The following ZNF385D variants were observed in gnomAD, a reference collection of about 807,000 sequenced individuals.
ZNF385D encodes zinc finger protein 385D.
Under a neutral mutation model 35.8 loss-of-function variants are expected in ZNF385D, and 15 were observed. The ratio of observed to expected loss-of-function variants is 0.42; its 90% CI spans 0.28 to 0.64. The LOEUF is 0.64. Ranked by LOEUF, ZNF385D falls within the 30% of genes least tolerant of loss-of-function variation. The pLI, the probability that ZNF385D is intolerant of heterozygous loss-of-function variation, is 0.23. For synonymous variants in ZNF385D, 212 were observed against 186.8 expected (o/e 1.13, Z -1.10); for missense variants, 474 against 494.6 (o/e 0.96, Z 0.39).
intron 3 of ZNF385D, among the ~76,000 whole-genome samples, chr3:21,873,593 C>T (rs1323600369): frequency 6.6e-6 from 1 of 152,168 alleles, no homozygotes; most frequent in Non-Finnish European, 1.5e-5. Flanking sequence ...CTTTTGCATC[C>T]TGTGTGACTG....
At chr3:21,801,987 T>C (rs1318527656) in intron 3 of ZNF385D, among the ~76,000 whole-genome samples, 1 of 152,150 alleles carries the variant, frequency 6.6e-6, no homozygotes, top group East Asian at 1.9e-4. Flanking sequence ...AATTCATAAA[T>C]GGCACCATTT....
At chr3:22,347,871 C>T (rs1695730132) in intron 2 of ZNF385D, among the ~76,000 whole-genome samples, 1 of 152,118 alleles carries the variant, frequency 6.6e-6, no homozygotes, top group Non-Finnish European at 1.5e-5. Flanking sequence ...TCAGTAAACT[C>T]ACCCATCACT....
chr3:22,151,717 C>T (rs1045614627), intron 3 of ZNF385D, among the ~76,000 whole-genome samples: 1 of 152,148 alleles, frequency 6.6e-6, no homozygotes, highest in African/African-American at 2.4e-5. Flanking sequence ...ATGTTAATCT[C>T]TTCCAATAAA....
intron 3 of ZNF385D, among the ~76,000 whole-genome samples, chr3:21,789,227 T>TG (rs989680748): frequency 1.6e-4 from 24 of 152,284 alleles, no homozygotes; most frequent in African/African-American, 5.3e-4. Flanking sequence ...CTTTGGAGAA[T>TG]GGGGGAGGGT....
At chr3:21,554,836 A>G (rs1172958478) in intron 3 of ZNF385D, among the ~76,000 whole-genome samples, 1 of 152,012 alleles carries the variant, frequency 6.6e-6, no homozygotes, top group East Asian at 1.9e-4. Context: ...AGCTTCAGAC[A>G]TTTTTTTCTC....
At chr3:22,003,797 G>A (rs1223303195) in intron 3 of ZNF385D, among the ~76,000 whole-genome samples, 1 of 151,660 alleles carries the variant, frequency 6.6e-6, no homozygotes, top group East Asian at 1.9e-4. Flanking sequence ...AACCTAGGGG[G>A]CAGAGGCTGC....
intron 2 of ZNF385D, among the ~76,000 whole-genome samples, chr3:22,293,269 A>G (rs914672233): frequency 7.2e-5 from 11 of 152,116 alleles, no homozygotes; most frequent in South Asian, 2.1e-4. Context: ...TCAGAAATAT[A>G]TTGGAAACCT....
chr3:21,730,207 C>A (rs896262699), intron 1 of ZNF385D, among the ~76,000 whole-genome samples: 1 of 152,168 alleles, frequency 6.6e-6, no homozygotes, highest in Non-Finnish European at 1.5e-5. Context: ...GGATCAAAAT[C>A]ATTTCTCAGC....
rs889818232 is a variant in ZNF385D at position 22,262,377 on chromosome 3, C to A, written c.107-93342G>T. On this transcript the variant is annotated intron_variant, in intron 2 of 5. Transcript: ENST00000494108. ...AATAAAGACCAAGACCCAAAAATGG[C>A]TTTGGAGGAAGTTGATGAGATAATG... Among the ~76,000 whole-genome samples the A allele has an allele frequency of 1.1e-4, 17 of 151,836 alleles. 2 individuals carry two copies.
intron 2 of ZNF385D, among the ~76,000 whole-genome samples, chr3:21,571,781 G>T (rs2063341728): frequency 6.6e-6 from 1 of 152,046 alleles, no homozygotes; most frequent in South Asian, 2.1e-4. Context: ...CTAAACTTAT[G>T]ATTATAATTT....
At chr3:21,471,291 TCTCTCACACACACACA>T (rs1248705481) in intron 4 of ZNF385D, among the ~76,000 whole-genome samples, 3 of 22,358 alleles carry the variant, frequency 1.3e-4, no homozygotes, top group African/African-American at 3.7e-4. Context: ...TCTCTCTCTC[TCTCTCACACACACACA>T]CACACACACA....
At chr3:21,785,915 C>T (rs2071670238) in intron 3 of ZNF385D, among the ~76,000 whole-genome samples, 1 of 152,164 alleles carries the variant, frequency 6.6e-6, no homozygotes, top group Non-Finnish European at 1.5e-5. Context: ...TACTTCATTT[C>T]CATAGAGGCT....
At chr3:22,273,705 G>A (rs561047146) in intron 2 of ZNF385D, among the ~76,000 whole-genome samples, 2 of 152,098 alleles carry the variant, frequency 1.3e-5, no homozygotes, top group Admixed American at 1.3e-4. Context: ...GTTACAACTG[G>A]TTTAAAAGAA....
intron 2 of ZNF385D, among the ~76,000 whole-genome samples, chr3:22,231,237 G>T (rs890367374): frequency 6.6e-6 from 1 of 152,184 alleles, no homozygotes; most frequent in Non-Finnish European, 1.5e-5. Flanking sequence ...AGTGTTGCAA[G>T]ATCAGTGTCT....
At chr3:22,253,371 T>A (rs1399674115) in intron 2 of ZNF385D, among the ~76,000 whole-genome samples, 1 of 151,984 alleles carries the variant, frequency 6.6e-6, no homozygotes, top group Non-Finnish European at 1.5e-5. Flanking sequence ...AATAGGAACA[T>A]AAGTGAAAAC....
chr3:21,811,934 G>A (rs556782331), intron 3 of ZNF385D, among the ~76,000 whole-genome samples: 3 of 152,136 alleles, frequency 2.0e-5, no homozygotes, highest in African/African-American at 2.4e-5. Flanking sequence ...CACAAATAGA[G>A]ACAACAGACA....
intron 3 of ZNF385D, among the ~76,000 whole-genome samples, chr3:21,935,300 A>G (rs941210727): frequency 6.6e-6 from 1 of 152,188 alleles, no homozygotes; most frequent in African/African-American, 2.4e-5. Flanking sequence ...CATTCGTTTT[A>G]TGTAACAAAC....
chr3:21,647,697 C>A (rs573170757), intron 2 of ZNF385D, among the ~76,000 whole-genome samples: 1 of 152,266 alleles, frequency 6.6e-6, no homozygotes, highest in African/African-American at 2.4e-5. Context: ...ATATTCCTGA[C>A]TGGTGTAATC....
intron 2 of ZNF385D, among the ~76,000 whole-genome samples, chr3:21,605,080 A>G (rs1365315045): frequency 1.3e-5 from 2 of 152,158 alleles, no homozygotes; most frequent in Admixed American, 6.5e-5. Flanking sequence ...TTGTCCTAAC[A>G]CTTCTTAGTA....
Sources: allele counts gnomAD v4.1 joint callset (sites outside exome capture counted in the v4.1 genomes callset), GRCh38; gene constraint gnomAD v4.1.1; transcripts MANE v1.5; gene names NCBI Gene and HGNC (gene_info 2026-07-23, HGNC 2026-07-21).